ZNF398: variants seen among roughly 807,000 people sequenced by gnomAD.
The protein encoded by ZNF398 is zinc finger DNA binding protein ZER6.
In ZNF398, 18 loss-of-function variants were observed where a neutral mutation model predicts 41.9. The observed-to-expected ratio is 0.43, with a 90% CI of 0.30 to 0.64. ZNF398 has a LOEUF of 0.64. Ranked by LOEUF, ZNF398 falls within the 30% of genes least tolerant of loss-of-function variation. ZNF398 has a pLI of 0.14. For missense variants in ZNF398, 669 were observed against 822.8 expected, an observed-to-expected ratio of 0.81 and a Z score of 2.29; for synonymous variants, 260 against 308.8, an observed-to-expected ratio of 0.84 and a Z score of 1.66.
chr7:149,171,090 C>A (rs1795330481), intron 4 of ZNF398, among the ~76,000 whole-genome samples: 1 of 150,696 alleles, frequency 6.6e-6, no homozygotes, highest in African/African-American at 2.4e-5. Context: ...CCTCATGATC[C>A]ACCTACCTTG....
intron 1 of ZNF398, among the ~76,000 whole-genome samples, chr7:149,126,939 A>G (rs1826493020): frequency 6.6e-6 from 1 of 152,196 alleles, no homozygotes; most frequent in African/African-American, 2.4e-5. Context: ...TGGCAGAGAA[A>G]GGCCTCGGGC....
intron 2 of ZNF398, among the ~76,000 whole-genome samples, chr7:149,138,283 C>CA (rs1216178605): frequency 6.7e-6 from 1 of 149,824 alleles, no homozygotes; most frequent in African/African-American, 2.5e-5. Flanking sequence ...AGGCAGGTTT[C>CA]AAAACAGTAT....
chr7:149,169,909 A>C (rs772209686), intron 4 of ZNF398, among the ~76,000 whole-genome samples: 8 of 152,214 alleles, frequency 5.3e-5, no homozygotes, highest in Non-Finnish European at 7.3e-5. Context: ...TAATATCAGC[A>C]AAGGGAAAAG....
At chr7:149,133,407 C>T (rs1209045054) in intron 2 of ZNF398, among the ~76,000 whole-genome samples, 4 of 151,842 alleles carry the variant, frequency 2.6e-5, no homozygotes, top group Non-Finnish European at 4.4e-5. Flanking sequence ...AGCCACTGTG[C>T]CAGGCCATCA....
intron 1 of ZNF398, among the ~76,000 whole-genome samples, chr7:149,148,876 T>A (rs1265712428): frequency 7.1e-6 from 1 of 140,588 alleles, no homozygotes; most frequent in African/African-American, 2.6e-5. Flanking sequence ...TTTTTTTTTT[T>A]TTTTTTTTTT....
At chr7:149,139,253 T>TC (rs1288713580) in intron 2 of ZNF398, among the ~76,000 whole-genome samples, 3 of 151,210 alleles carry the variant, frequency 2.0e-5, no homozygotes, top group African/African-American at 7.3e-5. Context: ...AAAGATGGGG[T>TC]CTCACAATGT....
At chr7:149,145,261 G>A (rs1431142689), upstream of ZNF398, among the ~76,000 whole-genome samples, 1 of 152,140 alleles carries the variant, frequency 6.6e-6, no homozygotes, top group African/African-American at 2.4e-5. Context: ...GAAAACCAGG[G>A]TCATGTGCTT....
At chr7:149,142,514 A>T (rs181308707), upstream of ZNF398, among the ~76,000 whole-genome samples, 2 of 152,246 alleles carry the variant, frequency 1.3e-5, no homozygotes, top group Non-Finnish European at 2.9e-5. Context: ...AAAAATACAA[A>T]AAATTAGCCG....
chr7:149,165,932 G>A (rs1332958771), intron 2 of ZNF398, among the ~76,000 whole-genome samples: 1 of 152,158 alleles, frequency 6.6e-6, no homozygotes, highest in Non-Finnish European at 1.5e-5. Context: ...TCAAGAAAAG[G>A]TACCAGCTTT....
upstream of ZNF398, among the ~76,000 whole-genome samples, chr7:149,146,107 G>A (rs1370472358): frequency 6.6e-6 from 1 of 151,900 alleles, no homozygotes; most frequent in Non-Finnish European, 1.5e-5. Flanking sequence ...CACCACGCCC[G>A]GCTAATTTTT....
At chr7:149,164,452 C>G (rs572288677) in intron 2 of ZNF398, among the ~76,000 whole-genome samples, 2 of 152,008 alleles carry the variant, frequency 1.3e-5, no homozygotes, top group Non-Finnish European at 2.9e-5. Context: ...AAGAAATACA[C>G]TGAGCACTAA....
chr7:149,153,419 G>C (rs978564508), intron 1 of ZNF398, among the ~76,000 whole-genome samples: 3 of 152,184 alleles, frequency 2.0e-5, no homozygotes, highest in African/African-American at 7.2e-5. Flanking sequence ...ATGAAACAAG[G>C]CTGTTCTGCC....
At chr7:149,138,213 GA>G (rs1287657372) in intron 2 of ZNF398, among the ~76,000 whole-genome samples, 45 of 120,344 alleles carry the variant, frequency 3.7e-4, no homozygotes, top group South Asian at 8.0e-4. Flanking sequence ...AAAAAAAAAA[GA>G]AAAAAAAAAA....
intron 4 of ZNF398, among the ~76,000 whole-genome samples, chr7:149,176,149 G>A (rs1161179193): frequency 6.6e-6 from 1 of 151,948 alleles, no homozygotes; most frequent in Admixed American, 6.6e-5. Context: ...TGGCTAACAC[G>A]GTGAAACCCC....
chr7:149,147,519 GCGACCCCAGCTTGATC>G lies in ZNF398; in HGVS notation c.-221_-206del. 2.8e-6 allele frequency: 1 copy of G among 352,080 alleles called. No individual in the cohort carries two copies. The highest frequency in any genetic ancestry group is 4.8e-6 in the Non-Finnish European group (1 of 206,754). The allele number at this position is 352,080 out of a possible 1,614,324, so 21.8% of individuals were successfully genotyped here. On this transcript the variant is annotated 5_prime_UTR_variant, in exon 1 of 6. Coordinates refer to ENST00000475153, the MANE Select transcript of ZNF398 (RefSeq NM_170686.3). The surrounding 1 kb of genome is among the most constrained non-coding windows in gnomAD (Gnocchi z 5.6). ...GGTGGAGTGCGGCGGAGTCGGCCTC[GCGACCCCAGCTTGATC>G]CGCCGCCTGCTGCACCGCGCCTCCG...
Position 149,182,481 on chromosome 7 carries a change from T to G in ZNF398, c.*2680T>G, listed in dbSNP as rs541347609. 1 of 152,316 alleles carries G rather than the reference T, an allele frequency of 6.6e-6. No individual in the cohort carries two copies. The highest frequency in any genetic ancestry group is 2.4e-5 in the African/African-American group (1 of 41,570). 9.4% of individuals were successfully genotyped at this position (152,316 alleles called of 1,614,324 possible). A position where few individuals can be genotyped will look rare whatever the true frequency, so the allele number is the denominator to read the frequency against. ...CCAACAGAAAGTGTGGAGGAGAAAC[T>G]CTTGGCCTATCAAGTGCTCCTGAGA... On this transcript the variant is annotated 3_prime_UTR_variant, in exon 6 of 6. Transcript: ENST00000475153.
At chr7:149,163,105 T>C (rs1256233307) in intron 2 of ZNF398, among the ~76,000 whole-genome samples, 1 of 152,186 alleles carries the variant, frequency 6.6e-6, no homozygotes, top group Non-Finnish European at 1.5e-5. Context: ...GCAGTTACAG[T>C]CAGGTCCCAG....
At position 149,182,685 on chromosome 7, in the gene ZNF398, CTA is replaced by C. The variant is rs1356954834; in HGVS notation, c.*2887_*2888del. The C allele has an allele frequency of 1.3e-5, 2 of 152,216 alleles. No homozygotes were observed. Among genetic ancestry groups the C allele is most frequent in the Non-Finnish European group, 2.9e-5 (2 of 68,036 alleles). 9.4% of individuals were successfully genotyped at this position (152,216 alleles called of 1,614,324 possible). ...CCCTTAGAGTGGATCCAGGTGTTGA[CTA>C]TAACCAGATTTACTCTTTGCTTACT... is the stretch of plus-strand genomic sequence containing the variant. On this transcript the variant is annotated 3_prime_UTR_variant, in exon 6 of 6. Transcript: ENST00000475153.
At chr7:149,173,091 C>CTTTTTTTTTTTTTTTTTT (rs1795382614) in intron 4 of ZNF398, among the ~76,000 whole-genome samples, 1 of 67,184 alleles carries the variant, frequency 1.5e-5, no homozygotes, top group African/African-American at 5.3e-5. Flanking sequence ...GTGGCAATTT[C>CTTTTTTTTTTTTTTTTTT]TATTTTTTTT....
Sources: allele counts gnomAD v4.1 joint callset (sites outside exome capture counted in the v4.1 genomes callset), GRCh38; gene constraint gnomAD v4.1.1; non-coding constraint Gnocchi (gnomAD v3.1); transcripts MANE v1.5; gene names NCBI Gene and HGNC (gene_info 2026-07-23, HGNC 2026-07-21).